SUGCT: variants seen among roughly 807,000 people sequenced by gnomAD.
The protein encoded by SUGCT is succinyl-CoA:glutarate CoA-transferase.
A neutral mutation model predicts 55.0 loss-of-function variants in SUGCT; 41 were observed. That is an observed-to-expected ratio of 0.74 (90% confidence interval 0.58 to 0.97). SUGCT has a LOEUF of 0.97. Ranked by LOEUF, SUGCT falls within the 50% of genes least tolerant of loss-of-function variation. The pLI is 0.00. For synonymous variants in SUGCT, 187 were observed against 200.4 expected, an observed-to-expected ratio of 0.93 and a Z score of 0.56; for missense variants, 568 against 547.8, an observed-to-expected ratio of 1.04 and a Z score of -0.37.
chr7:40,508,761 A>G (rs916766392), intron 12 of SUGCT, among the ~76,000 whole-genome samples: 1 of 152,192 alleles, frequency 6.6e-6, no homozygotes, highest in Admixed American at 6.5e-5. Flanking sequence ...AAGAGGGTAT[A>G]TTTCAAAAGT....
At chr7:40,885,398 T>C in the SUGCT span, among the ~76,000 whole-genome samples, 7,693 of 152,198 alleles carry the variant, frequency 0.051, 226 homozygotes, top group East Asian at 0.16. Context: ...AACGGGCCTA[T>C]ATTTCTGACA....
chr7:40,361,824 T>A (rs963144565), intron 9 of SUGCT, among the ~76,000 whole-genome samples: 3 of 151,728 alleles, frequency 2.0e-5, no homozygotes, highest in Admixed American at 2.0e-4. Flanking sequence ...CAAAGAGCAG[T>A]CATGGTTTTT....
At chr7:40,182,404 T>C (rs1157132061) in intron 3 of SUGCT, among the ~76,000 whole-genome samples, 1 of 151,680 alleles carries the variant, frequency 6.6e-6, no homozygotes, top group Non-Finnish European at 1.5e-5. Context: ...TCTTCTCTAC[T>C]AAAAATACAA....
chr7:40,711,668 G>A (rs941928623), intron 12 of SUGCT, among the ~76,000 whole-genome samples: 10 of 152,110 alleles, frequency 6.6e-5, no homozygotes, highest in Admixed American at 2.6e-4. Context: ...AAACTTCAGC[G>A]CTGCTGCCCG....
rs34968969 is a variant in SUGCT, at chr7:40,241,919, CAA to C, written c.576+4208_576+4209del. 9.9e-5 allele frequency among the ~76,000 whole-genome samples: 13 copies of C among 130,860 alleles called. No individual in the cohort carries two copies. In the East Asian group the frequency reaches 2.0e-3, roughly 20 times the overall value. The allele number at this position is 130,860 out of a possible 152,430, so 85.8% of individuals were successfully genotyped here. ...TGGCGACAGACCAAGACTCTGTCTC[CAA>C]AAAAAAAAAAAAAACCGTCTTTATC... On this transcript the variant is annotated intron_variant, in intron 7 of 13. Transcript: ENST00000335693.
At chr7:41,038,794 C>T in the SUGCT span, among the ~76,000 whole-genome samples, 1 of 152,056 alleles carries the variant, frequency 6.6e-6, no homozygotes, top group Non-Finnish European at 1.5e-5. Flanking sequence ...GTTTCATCAT[C>T]AGCAAGCTGA....
At chr7:40,338,405 C>G (rs1446611860) in intron 9 of SUGCT, among the ~76,000 whole-genome samples, 1 of 152,170 alleles carries the variant, frequency 6.6e-6, no homozygotes, top group African/African-American at 2.4e-5. Context: ...TAGATTTGGT[C>G]TTTTCACATA....
chr7:40,834,212 A>T (rs1792842041), intron 13 of SUGCT, among the ~76,000 whole-genome samples: 1 of 143,926 alleles, frequency 6.9e-6, no homozygotes, highest in Admixed American at 7.3e-5. Context: ...AAATAGTTGA[A>T]CTGACTTGTG....
chr7:40,311,900 A>G (rs1289859931), intron 8 of SUGCT, among the ~76,000 whole-genome samples: 1 of 152,212 alleles, frequency 6.6e-6, no homozygotes, highest in East Asian at 1.9e-4. Context: ...GGAAACACAC[A>G]AAGGGTTTAA....
At chr7:40,381,687 C>T (rs187208602) in intron 9 of SUGCT, among the ~76,000 whole-genome samples, 207 of 152,084 alleles carry the variant, frequency 1.4e-3, no homozygotes, top group African/African-American at 4.6e-3. Context: ...AATATGTTGG[C>T]AGTTCATATC....
At chr7:40,377,126 T>G (rs561310404) in intron 9 of SUGCT, among the ~76,000 whole-genome samples, 1,418 of 30,214 alleles carry the variant, frequency 0.047, 454 homozygotes, top group African/African-American at 0.19. Flanking sequence ...TTTTCAGCCT[T>G]CCTCTTTCTT....
chr7:40,377,209 T>TTTC (rs1562728840), intron 9 of SUGCT, among the ~76,000 whole-genome samples: 2 of 9,356 alleles, frequency 2.1e-4, no homozygotes, highest in Admixed American at 1.7e-3. Context: ...TTTTCTTTTC[T>TTTC]TTTCTTTCTT....
chr7:40,698,111 C>T (rs1281864138), intron 12 of SUGCT, among the ~76,000 whole-genome samples: 2 of 152,308 alleles, frequency 1.3e-5, no homozygotes, highest in Middle Eastern at 3.4e-3. Context: ...ATAGCACAAG[C>T]AAGTCCTGGA....
intron 12 of SUGCT, among the ~76,000 whole-genome samples, chr7:40,612,002 A>AT (rs1798785677): frequency 6.8e-6 from 1 of 146,066 alleles, no homozygotes; most frequent in Non-Finnish European, 1.5e-5. Context: ...AAAAACTTTG[A>AT]TTCCCCCCCC....
At chr7:40,854,400 TTTCTTTCTTTCTTTCTTTCCTTTCTTTC>T (rs1563050472) in intron 13 of SUGCT, among the ~76,000 whole-genome samples, 2 of 93,080 alleles carry the variant, frequency 2.1e-5, no homozygotes, top group African/African-American at 1.1e-4. Flanking sequence ...AATTTTTTTC[TTTCTTTCTTTCTTTCTTTCCTTTCTTTC>T]TTTCTTTCTT....
At chr7:40,298,674 C>T (rs2151072774) in intron 8 of SUGCT, among the ~76,000 whole-genome samples, 1 of 151,956 alleles carries the variant, frequency 6.6e-6, no homozygotes, top group Admixed American at 6.5e-5. Context: ...TCATGTCTGG[C>T]TTCATGTTCA....
chr7:40,550,628 T>C (rs544833517), intron 12 of SUGCT, among the ~76,000 whole-genome samples: 1 of 152,358 alleles, frequency 6.6e-6, no homozygotes, highest in South Asian at 2.1e-4. Flanking sequence ...CATGTAATCA[T>C]ATGCTATGGC....
At chr7:40,336,037 T>A (rs1796679451) in intron 9 of SUGCT, among the ~76,000 whole-genome samples, 1 of 152,230 alleles carries the variant, frequency 6.6e-6, no homozygotes, top group Non-Finnish European at 1.5e-5. Context: ...TCTGTTTATA[T>A]GCTGGATTAC....
the SUGCT span, among the ~76,000 whole-genome samples, chr7:40,912,496 A>C: frequency 6.6e-6 from 1 of 152,208 alleles, no homozygotes; most frequent in Non-Finnish European, 1.5e-5. Flanking sequence ...AAAAAAGAGC[A>C]GCTTAATATC....
Sources: allele counts gnomAD v4.1 joint callset (sites outside exome capture counted in the v4.1 genomes callset), GRCh38; gene constraint gnomAD v4.1.1; transcripts MANE v1.5; gene names NCBI Gene and HGNC (gene_info 2026-07-23, HGNC 2026-07-21).